Variants in PDE4B observed in about 807,000 individuals in gnomAD.
PDE4B encodes the protein 3',5'-cyclic-AMP phosphodiesterase 4B.
PDE4B carries 20 observed loss-of-function variants against 82.2 expected under a neutral mutation model. The ratio of observed to expected loss-of-function variants is 0.24; its 90% CI spans 0.17 to 0.35. PDE4B has a LOEUF of 0.35. Ranked by LOEUF, PDE4B falls within the 10% of genes least tolerant of loss-of-function variation. The pLI is 1.00. For synonymous variants in PDE4B, 320 were observed against 318.9 expected, an observed-to-expected ratio of 1.00 and a Z score of -0.04; for missense variants, 655 against 907.2, an observed-to-expected ratio of 0.72 and a Z score of 3.57.
At chr1:65,989,317 A>G (rs1456317969) in intron 3 of PDE4B, among the ~76,000 whole-genome samples, 1 of 152,024 alleles carries the variant, frequency 6.6e-6, no homozygotes, top group Non-Finnish European at 1.5e-5. Flanking sequence ...CCTGGCCAAC[A>G]TCGTGAAACC....
chr1:65,993,193 G>A (rs1286507844), intron 3 of PDE4B: 1 of 1,343,716 alleles, frequency 7.4e-7, no homozygotes, highest in Non-Finnish European at 1.0e-6. Context: ...TCTCGCATTA[G>A]CACCAGTGAT....
At chr1:66,285,083 CAA>C (rs1338802028) in intron 7 of PDE4B, among the ~76,000 whole-genome samples, 2 of 152,122 alleles carry the variant, frequency 1.3e-5, no homozygotes, top group African/African-American at 4.8e-5. Flanking sequence ...GAAATTACGA[CAA>C]GAGCAACAAT....
intron 3 of PDE4B, among the ~76,000 whole-genome samples, chr1:66,184,120 C>T (rs1647129974): frequency 6.6e-6 from 1 of 151,996 alleles, no homozygotes; most frequent in African/African-American, 2.4e-5. Context: ...TAGTGGCTGA[C>T]CCTAAATGCC....
At chr1:66,234,786 A>T (rs1041151400) in intron 3 of PDE4B, among the ~76,000 whole-genome samples, 4 of 149,582 alleles carry the variant, frequency 2.7e-5, no homozygotes, top group Admixed American at 6.6e-5. Flanking sequence ...TCTCTCTTTT[A>T]TTTCCGCTCT....
At chr1:66,325,742 C>T (rs1659705699) in intron 7 of PDE4B, among the ~76,000 whole-genome samples, 1 of 152,192 alleles carries the variant, frequency 6.6e-6, no homozygotes, top group South Asian at 2.1e-4. Context: ...CTGTCAATGA[C>T]TCAGCTGTCA....
At chr1:66,094,857 T>C (rs1645085754) in intron 3 of PDE4B, among the ~76,000 whole-genome samples, 1 of 151,906 alleles carries the variant, frequency 6.6e-6, no homozygotes, top group South Asian at 2.1e-4. Context: ...CCTCTGTTTT[T>C]AAATGGGGGA....
chr1:66,047,007 G>T (rs1654754777), intron 3 of PDE4B, among the ~76,000 whole-genome samples: 1 of 151,728 alleles, frequency 6.6e-6, no homozygotes, highest in Non-Finnish European at 1.5e-5. Flanking sequence ...GAATAAATAG[G>T]ATTTTATAAA....
intron 3 of PDE4B, among the ~76,000 whole-genome samples, chr1:66,088,902 C>A (rs1369137238): frequency 3.9e-5 from 6 of 152,064 alleles, no homozygotes; most frequent in Non-Finnish European, 8.8e-5. Flanking sequence ...TTTTTTTCTG[C>A]ATCTGCAGCC....
intron 16 of PDE4B, among the ~76,000 whole-genome samples, chr1:66,369,865 A>G (rs542720375): frequency 6.6e-6 from 1 of 152,242 alleles, no homozygotes; most frequent in Non-Finnish European, 1.5e-5. Context: ...AATCTGTGAA[A>G]GGGCTGGGCA....
chr1:66,172,871 C>T (rs1208767380), intron 3 of PDE4B, among the ~76,000 whole-genome samples: 2 of 152,116 alleles, frequency 1.3e-5, no homozygotes, highest in Non-Finnish European at 2.9e-5. Context: ...TTAAAAATTA[C>T]ACTTATCCAT....
At chr1:66,031,078 T>C (rs1251237009) in intron 3 of PDE4B, among the ~76,000 whole-genome samples, 1 of 152,218 alleles carries the variant, frequency 6.6e-6, no homozygotes, top group Non-Finnish European at 1.5e-5. Flanking sequence ...TTTACCCATG[T>C]AGCAAACCTG....
intron 2 of PDE4B, among the ~76,000 whole-genome samples, chr1:65,914,471 T>TTCTTC (rs1553120179): frequency 8.3e-4 from 85 of 102,198 alleles, no homozygotes; most frequent in African/African-American, 2.5e-3. Context: ...CTTCTTCTTC[T>TTCTTC]TTTTTTTTTT....
intron 3 of PDE4B, among the ~76,000 whole-genome samples, chr1:66,176,330 G>A (rs550771389): frequency 5.9e-5 from 9 of 152,314 alleles, no homozygotes; most frequent in South Asian, 2.1e-4. Flanking sequence ...GCTAGGCATC[G>A]CCTAAAATCT....
At chr1:66,174,096 T>C (rs976098864) in intron 3 of PDE4B, among the ~76,000 whole-genome samples, 1 of 152,166 alleles carries the variant, frequency 6.6e-6, no homozygotes, top group African/African-American at 2.4e-5. Flanking sequence ...TTTACTTTTT[T>C]AAGTTACTTT....
chr1:65,917,839 G>A (rs1218622299), intron 2 of PDE4B, among the ~76,000 whole-genome samples: 2 of 152,118 alleles, frequency 1.3e-5, no homozygotes, highest in Non-Finnish European at 2.9e-5. Context: ...TCAACATTCA[G>A]CTGTTCTAAG....
chr1:66,103,205 A>G (rs1645261327), intron 3 of PDE4B, among the ~76,000 whole-genome samples: 1 of 152,114 alleles, frequency 6.6e-6, no homozygotes, highest in East Asian at 1.9e-4. Flanking sequence ...AGTTGTTGCT[A>G]TTGTTGAGCA....
At chr1:65,832,568 T>C (rs1646094953) in intron 1 of PDE4B, among the ~76,000 whole-genome samples, 1 of 152,116 alleles carries the variant, frequency 6.6e-6, no homozygotes, top group Admixed American at 6.6e-5. Flanking sequence ...AGAAAACAAT[T>C]AGGAAAAGGC....
intron 3 of PDE4B, among the ~76,000 whole-genome samples, chr1:66,057,332 T>C (rs1353635545): frequency 6.6e-6 from 1 of 152,198 alleles, no homozygotes; most frequent in Non-Finnish European, 1.5e-5. Flanking sequence ...TAGATTGTGC[T>C]AAAAAGGAGG....
chr1:66,316,213 C>G (rs12142015), intron 7 of PDE4B, among the ~76,000 whole-genome samples: 9,431 of 152,266 alleles, frequency 0.062, 376 homozygotes, highest in Middle Eastern at 0.12. Context: ...CTGTATGTTT[C>G]TGCAACGAAC....
Sources: gnomAD v4.1 joint callset for allele counts (sites outside exome capture counted in the v4.1 genomes callset) on GRCh38, gnomAD v4.1.1 for gene constraint, MANE v1.5 for transcripts, NCBI Gene and HGNC (gene_info 2026-07-23, HGNC 2026-07-21) for gene names.